Variants in HCN1 observed in about 807,000 individuals in gnomAD.
HCN1 encodes potassium/sodium hyperpolarization-activated cyclic nucleotide-gated channel 1.
HCN1 carries 13 observed loss-of-function variants against 78.9 expected under a neutral mutation model. The ratio of observed to expected loss-of-function variants is 0.16; its 90% CI spans 0.11 to 0.26. HCN1 has a LOEUF of 0.26. Ranked by LOEUF, HCN1 falls within the 10% of genes least tolerant of loss-of-function variation. The pLI, the probability that HCN1 is intolerant of heterozygous loss-of-function variation, is 1.00. For synonymous variants in HCN1, 552 were observed against 455.5 expected, an observed-to-expected ratio of 1.21 and a Z score of -2.70; for missense variants, 810 against 1,154.3, an observed-to-expected ratio of 0.70 and a Z score of 4.32.
chr5:45,621,480 T>C (rs377391134), intron 2 of HCN1, among the ~76,000 whole-genome samples: 16 of 152,294 alleles, frequency 1.1e-4, no homozygotes, highest in African/African-American at 2.6e-4. Context: ...TTAAATTATA[T>C]TTTTCTGTAG....
intron 3 of HCN1, among the ~76,000 whole-genome samples, chr5:45,433,543 C>A (rs146614628): frequency 4.0e-5 from 6 of 151,708 alleles, no homozygotes; most frequent in African/African-American, 1.5e-4. Context: ...GCACTCTGTG[C>A]CTTTTAATTT....
At chr5:45,310,096 A>T (rs1745820691) in intron 5 of HCN1, among the ~76,000 whole-genome samples, 1 of 152,158 alleles carries the variant, frequency 6.6e-6, no homozygotes, top group African/African-American at 2.4e-5. Flanking sequence ...CATTCAGGAC[A>T]TAAACACGAG....
intron 1 of HCN1, among the ~76,000 whole-genome samples, chr5:45,692,386 A>T (rs1189393103): frequency 1.3e-5 from 2 of 152,176 alleles, no homozygotes; most frequent in African/African-American, 4.8e-5. Flanking sequence ...GAAATTCAAT[A>T]AGACTAAGAC....
At chr5:45,491,958 T>C (rs1390321313) in intron 2 of HCN1, among the ~76,000 whole-genome samples, 2 of 152,066 alleles carry the variant, frequency 1.3e-5, no homozygotes, top group Non-Finnish European at 2.9e-5. Context: ...CTTATGAAAT[T>C]TTATCAGAAC....
At chr5:45,313,587 C>A (rs1745907972) in intron 5 of HCN1, among the ~76,000 whole-genome samples, 3 of 152,114 alleles carry the variant, frequency 2.0e-5, no homozygotes, top group Admixed American at 6.6e-5. Context: ...GGAGGAAGTG[C>A]AAATCCACCG....
intron 5 of HCN1, among the ~76,000 whole-genome samples, chr5:45,313,578 G>A (rs1579802028): frequency 6.6e-6 from 1 of 152,166 alleles, no homozygotes; most frequent in Non-Finnish European, 1.5e-5. Flanking sequence ...CAAGCTAAAG[G>A]AGGAAGTGCA....
intron 2 of HCN1, among the ~76,000 whole-genome samples, chr5:45,545,995 G>A (rs965632877): frequency 6.6e-6 from 1 of 151,960 alleles, no homozygotes; most frequent in Non-Finnish European, 1.5e-5. Flanking sequence ...CTGCTTCAAT[G>A]ATGGTTTATT....
At chr5:45,431,234 G>T (rs1247237030) in intron 3 of HCN1, among the ~76,000 whole-genome samples, 3 of 152,104 alleles carry the variant, frequency 2.0e-5, no homozygotes, top group African/African-American at 7.2e-5. Flanking sequence ...TTGGCTGCAT[G>T]TATGTCTTCT....
intron 1 of HCN1, among the ~76,000 whole-genome samples, chr5:45,667,793 T>C (rs749810457): frequency 2.6e-5 from 4 of 151,984 alleles, no homozygotes; most frequent in Non-Finnish European, 5.9e-5. Context: ...TATGACATTG[T>C]AGTTCTTCCG....
At chr5:45,553,705 C>A (rs147983022) in intron 2 of HCN1, among the ~76,000 whole-genome samples, 1 of 151,868 alleles carries the variant, frequency 6.6e-6, no homozygotes, top group African/African-American at 2.4e-5. Context: ...TGCCCATATA[C>A]CTTAAATCAT....
chr5:45,307,239 T>A (rs1745754588), intron 5 of HCN1, among the ~76,000 whole-genome samples: 1 of 152,092 alleles, frequency 6.6e-6, no homozygotes, highest in South Asian at 2.1e-4. Flanking sequence ...AAGTGAGGGA[T>A]AATACATAAG....
At chr5:45,631,227 C>T (rs1209104431) in intron 2 of HCN1, among the ~76,000 whole-genome samples, 1 of 152,214 alleles carries the variant, frequency 6.6e-6, no homozygotes, top group Non-Finnish European at 1.5e-5. Flanking sequence ...CAAATTGCTT[C>T]AGTTCTCTGA....
At chr5:45,687,160 T>G (rs1739825199) in intron 1 of HCN1, among the ~76,000 whole-genome samples, 1 of 152,180 alleles carries the variant, frequency 6.6e-6, no homozygotes, top group Non-Finnish European at 1.5e-5. Flanking sequence ...AACTTTTTCT[T>G]TGAAAAGTCT....
intron 5 of HCN1, among the ~76,000 whole-genome samples, chr5:45,347,282 T>G (rs974861536): frequency 1.3e-5 from 2 of 151,872 alleles, no homozygotes; most frequent in Non-Finnish European, 2.9e-5. Context: ...TCTAGCAAAC[T>G]CCAACAGACC....
In HCN1 at chr5:45,598,187, A is replaced by G. The variant is rs560000162; in HGVS notation, c.849+46998T>C. Reference sequence around the variant, plus strand: ...ACTATACTACAAGGCTACAGCAACCAAAACAACATGGTACTGGTACCAAAA... The same window carrying G: ...ACTATACTACAAGGCTACAGCAACCGAAACAACATGGTACTGGTACCAAAA... On this transcript the variant is annotated intron_variant, in intron 2 of 7. Coordinates refer to ENST00000303230, the MANE Select transcript of HCN1 (RefSeq NM_021072.4). Among the ~76,000 whole-genome samples the G allele has an allele frequency of 1.9e-4, 29 of 152,342 alleles. No homozygotes were observed. In the East Asian group the frequency reaches 5.0e-3, roughly 26 times the overall value.
intron 3 of HCN1, among the ~76,000 whole-genome samples, chr5:45,452,877 C>T (rs896176909): frequency 4.6e-5 from 7 of 151,978 alleles, no homozygotes; most frequent in East Asian, 1.9e-4. Flanking sequence ...AATGGGGTTA[C>T]GAAATGTTCG....
At chr5:45,412,735 G>A (rs1012120078) in intron 3 of HCN1, among the ~76,000 whole-genome samples, 1 of 142,442 alleles carries the variant, frequency 7.0e-6, no homozygotes. Context: ...GCCCCAGTAG[G>A]GTTCAGGTTG....
chr5:45,561,812 A>C (rs1743609643), intron 2 of HCN1, among the ~76,000 whole-genome samples: 1 of 152,122 alleles, frequency 6.6e-6, no homozygotes, highest in African/African-American at 2.4e-5. Context: ...GTGATTAATC[A>C]TACTTACTTA....
chr5:45,373,665 A>T (rs966461418), intron 4 of HCN1, among the ~76,000 whole-genome samples: 1 of 129,356 alleles, frequency 7.7e-6, no homozygotes, highest in African/African-American at 3.0e-5. Flanking sequence ...TACATACGGT[A>T]TATACGTCAT....
Sources: allele counts gnomAD v4.1 joint callset (sites outside exome capture counted in the v4.1 genomes callset), GRCh38; gene constraint gnomAD v4.1.1; transcripts MANE v1.5; gene names NCBI Gene and HGNC (gene_info 2026-07-23, HGNC 2026-07-21).